CDH12: variants seen among roughly 807,000 people sequenced by gnomAD.
CDH12 encodes the protein cadherin-12.
In CDH12, 41 loss-of-function variants were observed where a neutral mutation model predicts 74.1. The observed-to-expected ratio is 0.55, with a 90% CI of 0.43 to 0.72. CDH12 has a LOEUF of 0.72. Ranked by LOEUF, CDH12 falls within the 30% of genes least tolerant of loss-of-function variation. The probability of loss-of-function intolerance (pLI) is 0.00; values close to 1 mark genes in which losing one functional copy is unlikely to be tolerated. For missense variants in CDH12, 945 were observed against 977.2 expected, an observed-to-expected ratio of 0.97 and a Z score of 0.44; for synonymous variants, 399 against 355.0, an observed-to-expected ratio of 1.12 and a Z score of -1.39.
At chr5:21,884,712 A>G (rs1320951120) in intron 6 of CDH12, among the ~76,000 whole-genome samples, 1 of 152,232 alleles carries the variant, frequency 6.6e-6, no homozygotes, top group Non-Finnish European at 1.5e-5. Flanking sequence ...AGTTGTGTAC[A>G]AAGTAGAGAA....
In CDH12 at chr5:22,147,269, G is replaced by C. The variant is rs549396901; in HGVS notation, c.-187+65229C>G. ...TCGTTTTTATCTTGAGGATCACATT[G>C]GGCATTTGTCTCTGACTTTTCACTC... On this transcript the variant is annotated intron_variant, in intron 4 of 14. Transcript: ENST00000382254. Among the ~76,000 whole-genome samples, 3 of 152,094 alleles carry C rather than the reference G, an allele frequency of 2.0e-5. No individual in the cohort carries two copies. The South Asian group carries it at 6.2e-4, about 32-fold the overall frequency.
chr5:22,837,215 T>C (rs912085345), intron 1 of CDH12, among the ~76,000 whole-genome samples: 2 of 152,164 alleles, frequency 1.3e-5, no homozygotes, highest in African/African-American at 4.8e-5. Flanking sequence ...GCTCAGGAGT[T>C]CGAGACCAGA....
chr5:22,266,568 T>C lies in CDH12; in HGVS notation c.-332-53925A>G, dbSNP rs539328801. 4.6e-5 allele frequency among the ~76,000 whole-genome samples: 7 copies of C among 152,246 alleles called. No homozygotes were observed. The East Asian group carries it at 5.8e-4, about 13-fold the overall frequency. ...TTCTTGTATATCACCACTATATACA[T>C]CCATTTTTAGGGTAGGAAATATGTA... is the stretch of plus-strand genomic sequence containing the variant. On this transcript the variant is annotated intron_variant, in intron 3 of 14. Coordinates refer to ENST00000382254, the MANE Select transcript of CDH12 (RefSeq NM_004061.5).
chr5:22,012,816 C>CT (rs1399284807), intron 5 of CDH12, among the ~76,000 whole-genome samples: 1 of 141,904 alleles, frequency 7.0e-6, no homozygotes, highest in African/African-American at 2.7e-5. Context: ...ATCTACCTTC[C>CT]TTTCATGTGA....
intron 1 of CDH12, among the ~76,000 whole-genome samples, chr5:22,838,066 T>G (rs2126515731): frequency 6.6e-6 from 1 of 152,192 alleles, no homozygotes; most frequent in East Asian, 1.9e-4. Context: ...TGTAGGGAGA[T>G]ATTTGATGGA....
intron 1 of CDH12, among the ~76,000 whole-genome samples, chr5:22,690,577 G>GTAA (rs2126942532): frequency 6.6e-6 from 1 of 152,188 alleles, no homozygotes; most frequent in African/African-American, 2.4e-5. Flanking sequence ...GAGAGAAGGA[G>GTAA]GATATAACAT....
chr5:22,281,306 A>G (rs577326104), intron 3 of CDH12, among the ~76,000 whole-genome samples: 1 of 152,304 alleles, frequency 6.6e-6, no homozygotes, highest in South Asian at 2.1e-4. Context: ...TCTCTTTGAA[A>G]ACCGGCACAG....
At chr5:22,666,319 T>A (rs1365198819) in intron 1 of CDH12, among the ~76,000 whole-genome samples, 1 of 142,444 alleles carries the variant, frequency 7.0e-6, no homozygotes, top group Non-Finnish European at 1.5e-5. Flanking sequence ...AGACGGAGTC[T>A]GTCTCTGACG....
At chr5:21,759,141 T>C (rs1182296922) in intron 13 of CDH12, among the ~76,000 whole-genome samples, 1 of 152,054 alleles carries the variant, frequency 6.6e-6, no homozygotes, top group African/African-American at 2.4e-5. Context: ...AAAAGTAAAA[T>C]TAAATTAAAA....
At chr5:22,196,309 T>C (rs999758380) in intron 4 of CDH12, among the ~76,000 whole-genome samples, 3 of 151,936 alleles carry the variant, frequency 2.0e-5, no homozygotes, top group Non-Finnish European at 4.4e-5. Context: ...CCCATCCAGC[T>C]AATGTTTGTA....
chr5:22,561,488 A>G (rs1201362854), intron 1 of CDH12, among the ~76,000 whole-genome samples: 1 of 152,182 alleles, frequency 6.6e-6, no homozygotes, highest in African/African-American at 2.4e-5. Flanking sequence ...AGATCTCAAA[A>G]AAGACAATAA....
chr5:22,129,678 G>C (rs949816147), intron 4 of CDH12, among the ~76,000 whole-genome samples: 1 of 152,012 alleles, frequency 6.6e-6, no homozygotes, highest in African/African-American at 2.4e-5. Flanking sequence ...CCAGCTTTAC[G>C]TGTTTAATCG....
At chr5:22,080,970 G>A (rs1171995954) in intron 4 of CDH12, among the ~76,000 whole-genome samples, 2 of 151,640 alleles carry the variant, frequency 1.3e-5, no homozygotes, top group African/African-American at 4.8e-5. Context: ...TAGTAGAGAC[G>A]GGGTTTCACC....
intron 1 of CDH12, among the ~76,000 whole-genome samples, chr5:22,746,077 T>C (rs1198716812): frequency 6.6e-5 from 10 of 152,058 alleles, no homozygotes; most frequent in Admixed American, 6.5e-4. Flanking sequence ...TTGGTTCATC[T>C]GTCAATTGAA....
chr5:22,400,323 A>T (rs567608280), intron 3 of CDH12, among the ~76,000 whole-genome samples: 5 of 152,138 alleles, frequency 3.3e-5, no homozygotes, highest in Non-Finnish European at 7.3e-5. Context: ...GATAAAGAGG[A>T]CTGTATATTA....
intron 1 of CDH12, among the ~76,000 whole-genome samples, chr5:22,823,257 T>C (rs1400437156): frequency 7.2e-6 from 1 of 139,024 alleles, no homozygotes; most frequent in Non-Finnish European, 1.6e-5. Flanking sequence ...GGGGGAGGGA[T>C]AGCATTAGGA....
intron 6 of CDH12, among the ~76,000 whole-genome samples, chr5:21,886,317 T>C (rs995700609): frequency 3.3e-5 from 5 of 151,874 alleles, no homozygotes; most frequent in African/African-American, 9.7e-5. Flanking sequence ...GCATATTCAC[T>C]GGGTGAAACT....
chr5:22,723,720 A>T (rs1744015827), intron 1 of CDH12, among the ~76,000 whole-genome samples: 1 of 152,068 alleles, frequency 6.6e-6, no homozygotes. Flanking sequence ...TTTTCTAAAG[A>T]TTTATTCAGA....
chr5:22,483,158 G>A (rs1303061899), intron 2 of CDH12, among the ~76,000 whole-genome samples: 3 of 151,958 alleles, frequency 2.0e-5, no homozygotes, highest in African/African-American at 7.3e-5. Flanking sequence ...AAAAGTTTCT[G>A]GAAAATGTAA....
Sources: gnomAD v4.1 joint callset for allele counts (sites outside exome capture counted in the v4.1 genomes callset) on GRCh38, gnomAD v4.1.1 for gene constraint, MANE v1.5 for transcripts, NCBI Gene and HGNC (gene_info 2026-07-23, HGNC 2026-07-21) for gene names.